The following TDRD3 variants were observed in gnomAD, a reference collection of about 807,000 sequenced individuals.
TDRD3 encodes tudor domain containing 3.
A neutral mutation model predicts 86.7 loss-of-function variants in TDRD3; 45 were observed. The observed-to-expected ratio is 0.52, with a 90% CI of 0.41 to 0.67. The LOEUF (loss-of-function observed/expected upper bound fraction) is 0.67, where lower values mean the gene tolerates loss of function less well. Ranked by LOEUF, TDRD3 falls within the 30% of genes least tolerant of loss-of-function variation. The pLI is 0.00. For missense variants in TDRD3, 814 were observed against 889.0 expected (o/e 0.92, Z 1.07); for synonymous variants, 298 against 301.7 (o/e 0.99, Z 0.13).
chr13:60,504,695 TAAGGCAG>T (rs939867859), intron 8 of TDRD3, among the ~76,000 whole-genome samples: 6 of 152,208 alleles, frequency 3.9e-5, no homozygotes, highest in African/African-American at 1.4e-4. Flanking sequence ...CTAGCGAGAC[TAAGGCAG>T]AAGGCAGGTG....
At chr13:60,397,704 G>C (rs1199753161) in intron 1 of TDRD3, among the ~76,000 whole-genome samples, 4 of 150,196 alleles carry the variant, frequency 2.7e-5, no homozygotes, top group Admixed American at 6.6e-5. Context: ...GGCGGGTGGC[G>C]GCCCAGACCC....
intron 5 of TDRD3, among the ~76,000 whole-genome samples, chr13:60,474,067 C>T (rs1270309716): frequency 6.6e-5 from 10 of 152,282 alleles, no homozygotes; most frequent in South Asian, 4.1e-4. Flanking sequence ...GCTCCTGATC[C>T]GCTTTCATGT....
intron 5 of TDRD3, among the ~76,000 whole-genome samples, chr13:60,469,455 C>CAT (rs1491252640): frequency 6.6e-6 from 1 of 151,760 alleles, no homozygotes; most frequent in Admixed American, 6.6e-5. Flanking sequence ...CACACACACA[C>CAT]GGAGTTTAGT....
At chr13:60,490,048 T>C (rs1956548518) in intron 7 of TDRD3, among the ~76,000 whole-genome samples, 1 of 114,556 alleles carries the variant, frequency 8.7e-6, no homozygotes, top group South Asian at 2.9e-4. Context: ...TAAAGCATCT[T>C]AGTTTTTTTT....
chr13:60,562,351 G>T (rs1242944151), intron 12 of TDRD3, among the ~76,000 whole-genome samples: 1 of 127,608 alleles, frequency 7.8e-6, no homozygotes, highest in Non-Finnish European at 1.6e-5. Flanking sequence ...GAAAAGAAAA[G>T]CTGATTCAGC....
intron 12 of TDRD3, among the ~76,000 whole-genome samples, chr13:60,561,815 C>T (rs1958338898): frequency 2.6e-5 from 4 of 152,102 alleles, no homozygotes; most frequent in Admixed American, 6.5e-5. Context: ...TTTACAAAAT[C>T]TTCCTGTTTT....
chr13:60,434,464 T>TAA (rs774279549), intron 1 of TDRD3, among the ~76,000 whole-genome samples: 4 of 130,782 alleles, frequency 3.1e-5, no homozygotes, highest in Admixed American at 1.5e-4. Context: ...AGACCCTGTT[T>TAA]AAAAAAAAAA....
At chr13:60,426,594 A>G (rs1318280796) in intron 1 of TDRD3, among the ~76,000 whole-genome samples, 1 of 152,172 alleles carries the variant, frequency 6.6e-6, no homozygotes, top group African/African-American at 2.4e-5. Flanking sequence ...CTAAAAACCT[A>G]TATGAAATGG....
At chr13:60,540,214 T>C (rs1957780356) in intron 12 of TDRD3, among the ~76,000 whole-genome samples, 1 of 152,184 alleles carries the variant, frequency 6.6e-6, no homozygotes, top group African/African-American at 2.4e-5. Context: ...GCAGTGCTCA[T>C]TTTCTTTTGC....
At chr13:60,563,681 A>C (rs1958389230) in intron 12 of TDRD3, among the ~76,000 whole-genome samples, 1 of 152,240 alleles carries the variant, frequency 6.6e-6, no homozygotes, top group Non-Finnish European at 1.5e-5. Flanking sequence ...CTTTCCTTAA[A>C]GGACTGGTTT....
chr13:60,532,704 A>G (rs566549851), intron 11 of TDRD3, among the ~76,000 whole-genome samples: 3 of 152,136 alleles, frequency 2.0e-5, no homozygotes, highest in Non-Finnish European at 4.4e-5. Flanking sequence ...ACTTCTGGAA[A>G]GTTCTTCTTC....
chr13:60,445,931 T>G (rs1441266885), intron 3 of TDRD3, among the ~76,000 whole-genome samples: 2 of 152,134 alleles, frequency 1.3e-5, no homozygotes, highest in African/African-American at 4.8e-5. Flanking sequence ...TCTTGTCTGC[T>G]CCCTTCACTC....
At chr13:60,481,788 T>C (rs1025419342) in intron 5 of TDRD3, among the ~76,000 whole-genome samples, 2 of 152,214 alleles carry the variant, frequency 1.3e-5, no homozygotes, top group African/African-American at 4.8e-5. Context: ...TGCCTTGTAG[T>C]TTTTGCTTAG....
intron 3 of TDRD3, among the ~76,000 whole-genome samples, chr13:60,446,955 A>C (rs1955415053): frequency 1.3e-5 from 2 of 152,186 alleles, no homozygotes; most frequent in Admixed American, 6.6e-5. Context: ...GTTCTTGTTT[A>C]AATCAACTTT....
At chr13:60,422,940 A>T (rs1483949721) in intron 1 of TDRD3, among the ~76,000 whole-genome samples, 1 of 152,186 alleles carries the variant, frequency 6.6e-6, no homozygotes, top group East Asian at 1.9e-4. Context: ...AAATCCACAC[A>T]TTGAAAGTAT....
At chr13:60,450,697 C>G (rs557436423) in intron 3 of TDRD3, among the ~76,000 whole-genome samples, 11 of 152,094 alleles carry the variant, frequency 7.2e-5, no homozygotes, top group Non-Finnish European at 1.5e-5. Flanking sequence ...ATGTAGAGAT[C>G]AAGATAGCCT....
At chr13:60,405,087 G>A (rs1026598920) in intron 1 of TDRD3, among the ~76,000 whole-genome samples, 17 of 152,150 alleles carry the variant, frequency 1.1e-4, no homozygotes, top group Non-Finnish European at 2.1e-4. Flanking sequence ...TCCAATAAAT[G>A]TCTTTCTTTT....
intron 12 of TDRD3, among the ~76,000 whole-genome samples, chr13:60,557,965 G>T (rs765129921): frequency 6.6e-6 from 1 of 151,662 alleles, no homozygotes; most frequent in Non-Finnish European, 1.5e-5. Flanking sequence ...TGGGACTATA[G>T]GCACACGCCA....
chr13:60,439,488 A>G (rs545659117), intron 1 of TDRD3, among the ~76,000 whole-genome samples, 200 bp from the exon 2 acceptor site: 1 of 152,276 alleles, frequency 6.6e-6, no homozygotes, highest in African/African-American at 2.4e-5. Context: ...ATAGCTCTTT[A>G]AGGGTACAAA....
Sources: allele counts gnomAD v4.1 joint callset (sites outside exome capture counted in the v4.1 genomes callset), GRCh38; gene constraint gnomAD v4.1.1; transcripts MANE v1.5; gene names NCBI Gene and HGNC (gene_info 2026-07-23, HGNC 2026-07-21).